The following C6 variants were observed in gnomAD, a reference collection of about 807,000 sequenced individuals.
C6 encodes complement C6.
A neutral mutation model predicts 112.9 loss-of-function variants in C6; 101 were observed. The ratio of observed to expected loss-of-function variants is 0.89; its 90% CI spans 0.76 to 1.06. C6 has a LOEUF of 1.06. C6 is among the 50% of genes least tolerant of loss of function. C6 has a pLI of 0.00. For missense variants in C6, 1,202 were observed against 1,104.6 expected (o/e 1.09, Z -1.25); for synonymous variants, 431 against 384.1 (o/e 1.12, Z -1.43).
At chr5:41,204,424 C>T (rs1235645851) in intron 1 of C6, among the ~76,000 whole-genome samples, 2 of 151,978 alleles carry the variant, frequency 1.3e-5, no homozygotes, top group African/African-American at 2.4e-5. Flanking sequence ...TAGATATTTC[C>T]AAATTGCCCT....
chr5:41,153,334 T>C (rs966036047), intron 15 of C6, among the ~76,000 whole-genome samples: 2 of 152,258 alleles, frequency 1.3e-5, no homozygotes, highest in African/African-American at 2.4e-5. Context: ...GGCACGTGTG[T>C]GCACATGCAT....
intron 1 of C6, among the ~76,000 whole-genome samples, chr5:41,231,379 A>T (rs1739888350): frequency 6.6e-6 from 1 of 152,152 alleles, no homozygotes; most frequent in South Asian, 2.1e-4. Context: ...TATGGTTACC[A>T]TGAAGCTCAC....
chr5:41,203,049 T>C, intron 2 of C6, 39 bp downstream of exon 2: 1 of 1,610,382 alleles, frequency 6.2e-7, no homozygotes. Context: ...CCTTGAGTCC[T>C]TCCAGGACAC....
At chr5:41,179,385 A>G (rs954691617) in intron 7 of C6, among the ~76,000 whole-genome samples, 3 of 152,098 alleles carry the variant, frequency 2.0e-5, no homozygotes, top group African/African-American at 7.2e-5. Context: ...GTCTCATACA[A>G]ACATGTCTAT....
chr5:41,241,876 G>T (rs551008203), intron 1 of C6, among the ~76,000 whole-genome samples: 1 of 152,288 alleles, frequency 6.6e-6, no homozygotes, highest in Admixed American at 6.5e-5. Context: ...AGTGTGAAAA[G>T]ACAGCTGGTG....
rs749072447 is a variant in C6 at position 41,186,172 on chromosome 5, G to A, written c.624C>T (p.Val208=). 4 of 1,613,870 alleles carry A rather than the reference G, an allele frequency of 2.5e-6. No homozygotes were observed. The highest frequency in any genetic ancestry group is 3.4e-6 in the Non-Finnish European group (4 of 1,179,846). The change falls in exon 6 of 18, where the codon GTC becomes GTT. Residue 208 remains valine (V), a synonymous_variant. Transcript: ENST00000337836. ...HFLAGEPRGE[V]LDNSFTGGIC... ...TTCCTCCAGTGAAAGAGTTATCAAGGACTTCTCCTCTGGGCTCTCCTGCCA... is the reference window on the plus strand; with the variant it reads ...TTCCTCCAGTGAAAGAGTTATCAAGAACTTCTCCTCTGGGCTCTCCTGCCA...
At chr5:41,234,829 G>A (rs1374749155) in intron 1 of C6, among the ~76,000 whole-genome samples, 5 of 151,974 alleles carry the variant, frequency 3.3e-5, no homozygotes, top group Non-Finnish European at 7.4e-5. Context: ...AAATATGAAG[G>A]CACATTTGTA....
chr5:41,250,272 G>A (rs1255700469), intron 1 of C6, among the ~76,000 whole-genome samples: 12 of 152,134 alleles, frequency 7.9e-5, no homozygotes, highest in Admixed American at 3.3e-4. Flanking sequence ...CAAACTCTGC[G>A]GAATTTGCAT....
chr5:41,241,423 T>C (rs989688179), intron 1 of C6, among the ~76,000 whole-genome samples: 4 of 152,132 alleles, frequency 2.6e-5, no homozygotes, highest in African/African-American at 9.7e-5. Flanking sequence ...TGGGAGATAG[T>C]AAAACATGTC....
At chr5:41,167,094 A>G (rs1459354989) in intron 9 of C6, among the ~76,000 whole-genome samples, 3 of 152,112 alleles carry the variant, frequency 2.0e-5, no homozygotes, top group South Asian at 2.1e-4. Context: ...TTCTCTCATA[A>G]TTGAAGCTGA....
intron 1 of C6, among the ~76,000 whole-genome samples, chr5:41,204,945 C>G (rs921553438): frequency 6.6e-6 from 1 of 152,140 alleles, no homozygotes; most frequent in East Asian, 1.9e-4. Context: ...CTGGGATTAT[C>G]AGTAAGCTTT....
At position 41,213,529 on chromosome 5, in the gene C6, G is replaced by A; in HGVS notation, c.-174C>T. 1 of 985,328 alleles carries A rather than the reference G, an allele frequency of 1.0e-6. No homozygotes were observed. Among genetic ancestry groups the A allele is most frequent in the Non-Finnish European group, 1.2e-6 (1 of 829,884 alleles). The allele number at this position is 985,328 out of a possible 1,614,324, so 61.0% of individuals were successfully genotyped here. On this transcript the variant is annotated 5_prime_UTR_variant, in exon 1 of 18. Transcript: ENST00000337836. ...AAGGCAATGCTGTCATATCCCAGAAGCCTAGCAACACCTAGAGGGTTGTCA... is the reference window on the plus strand; with the variant it reads ...AAGGCAATGCTGTCATATCCCAGAAACCTAGCAACACCTAGAGGGTTGTCA...
At chr5:41,204,679 T>C (rs1292925787) in intron 1 of C6, among the ~76,000 whole-genome samples, 3 of 145,868 alleles carry the variant, frequency 2.1e-5, no homozygotes, top group African/African-American at 7.6e-5. Context: ...TCTTTTTTTT[T>C]TTTTTTTTGA....
chr5:41,220,604 A>T lies in C6; in HGVS notation c.-20-17354T>A, dbSNP rs184364128. Among the ~76,000 whole-genome samples the T allele has an allele frequency of 1.2e-3, 187 of 152,214 alleles. 1 individual carries two copies. The highest frequency in any genetic ancestry group is 1.9e-4 in the Non-Finnish European group (13 of 68,006). On this transcript the variant is annotated intron_variant, in intron 1 of 17. Transcript: ENST00000263413. ...ATAACCATATGAGTGAGGTGCAGTC[A>T]TATCTCATTTTGGTTTTGATTTACA...
At chr5:41,178,660 G>A (rs1749069230) in intron 7 of C6, among the ~76,000 whole-genome samples, 1 of 151,400 alleles carries the variant, frequency 6.6e-6, no homozygotes, top group African/African-American at 2.4e-5. Flanking sequence ...ATTTTTAGTA[G>A]ATACAGGGTT....
At chr5:41,206,127 C>G (rs1751417171) in intron 1 of C6, among the ~76,000 whole-genome samples, 1 of 151,940 alleles carries the variant, frequency 6.6e-6, no homozygotes, top group South Asian at 2.1e-4. Context: ...GGACCTCCAG[C>G]AAACTCCAAC....
intron 9 of C6, among the ~76,000 whole-genome samples, chr5:41,164,698 G>A (rs982541856): frequency 1.3e-5 from 2 of 152,130 alleles, no homozygotes; most frequent in Non-Finnish European, 2.9e-5. Context: ...CTCTAACTTT[G>A]CAATGTCCTC....
intron 1 of C6, among the ~76,000 whole-genome samples, chr5:41,254,401 A>G (rs917283232): frequency 7.9e-5 from 12 of 152,164 alleles, no homozygotes; most frequent in Non-Finnish European, 2.9e-5. Context: ...GCAAGACTCC[A>G]TCTCAAAAAA....
intron 1 of C6, among the ~76,000 whole-genome samples, chr5:41,204,559 G>C (rs1822821): frequency 0.17 from 26,407 of 151,574 alleles, 2,733 homozygotes; most frequent in South Asian, 0.32. Context: ...TTCATCATTT[G>C]ATAAATCTTG....
Sources: gnomAD v4.1 joint callset for allele counts (sites outside exome capture counted in the v4.1 genomes callset) on GRCh38, gnomAD v4.1.1 for gene constraint, MANE v1.5 for transcripts, NCBI Gene and HGNC (gene_info 2026-07-23, HGNC 2026-07-21) for gene names.